The following UNC80 variants were observed in gnomAD, a reference collection of about 807,000 sequenced individuals.
The protein encoded by UNC80 is protein unc-80 homolog.
In UNC80, 164 loss-of-function variants were observed where a neutral mutation model predicts 384.6. That is an observed-to-expected ratio of 0.43 (90% CI 0.38 to 0.49). UNC80 has a LOEUF of 0.49. Ranked by LOEUF, UNC80 falls within the 20% of genes least tolerant of loss-of-function variation. The pLI, the probability that UNC80 is intolerant of heterozygous loss-of-function variation, is 0.00. For missense variants in UNC80, 3,330 were observed against 4,143.0 expected, an observed-to-expected ratio of 0.80 and a Z score of 5.39; for synonymous variants, 1,486 against 1,527.8, an observed-to-expected ratio of 0.97 and a Z score of 0.64.
intron 26 of UNC80, among the ~76,000 whole-genome samples, chr2:209,889,293 AGT>A (rs1316594808): frequency 6.6e-6 from 1 of 152,228 alleles, no homozygotes; most frequent in African/African-American, 2.4e-5. Context: ...GAAAGATAAA[AGT>A]GTTACAGCGT....
At chr2:209,864,322 G>A (rs2083555393) in intron 22 of UNC80, among the ~76,000 whole-genome samples, 2 of 152,142 alleles carry the variant, frequency 1.3e-5, no homozygotes, top group African/African-American at 4.8e-5. Flanking sequence ...GTTTCACCTA[G>A]TTGGGTGGCA....
intron 1 of UNC80, among the ~76,000 whole-genome samples, 187 bp downstream of exon 1, chr2:209,772,351 A>G (rs911113485): frequency 6.6e-6 from 1 of 151,530 alleles, no homozygotes; most frequent in Admixed American, 6.6e-5. Flanking sequence ...ATATATGTAT[A>G]TATTTCAGTG....
intron 22 of UNC80, among the ~76,000 whole-genome samples, chr2:209,861,009 C>T (rs2083308067): frequency 6.6e-6 from 1 of 152,228 alleles, no homozygotes; most frequent in South Asian, 2.1e-4. Flanking sequence ...GACAAGCTGA[C>T]TTCCTCTCTT....
In UNC80 at chr2:209,917,950, A is replaced by G; in HGVS notation, c.5203A>G (p.Ile1735Val). 3 of 1,551,608 alleles carry G rather than the reference A, an allele frequency of 1.9e-6. No individual in the cohort carries two copies. The highest frequency in any genetic ancestry group is 2.6e-6 in the Non-Finnish European group (3 of 1,146,932). Residue 1735 changes from isoleucine to valine, a missense_variant, in exon 32 of 65, where the codon ATT (isoleucine) becomes GTT (valine). Ile to Val is a conservative substitution (Grantham distance 29). Coordinates refer to ENST00000673920, the MANE Select transcript of UNC80 (RefSeq NM_001371986.1). ...CCGGATGGAGGAAGGGGCACAGCAG[A>G]TTTTTAAGGTGAGGGATACTTCTCA... ...WPRMEEGAQQ[I>V]FKIPPPSINF... is the part of the protein sequence containing the mutation.
intron 7 of UNC80, 28 bp downstream of exon 7, chr2:209,793,887 A>G: frequency 6.2e-7 from 1 of 1,611,044 alleles, no homozygotes; most frequent in Non-Finnish European, 8.5e-7. Context: ...TAGGGACAAA[A>G]TGTGTCACTG....
chr2:209,960,823 A>C (rs1239686008), intron 51 of UNC80: 1 of 152,264 alleles, frequency 6.6e-6, no homozygotes, highest in African/African-American at 2.4e-5. Context: ...CACACTGAGA[A>C]GTTCAGCTCC....
rs199667714 is a variant in UNC80 at position 209,813,662 on chromosome 2, C to T, written c.1021C>T (p.Pro341Ser). The change falls in exon 8 of 65, where the codon CCC (proline) becomes TCC (serine). Residue 341 changes from proline to serine, a missense_variant. This residue lies in a region of UNC80 where 937 missense variants were observed against 1,026.8 expected (regional missense o/e 0.91). Transcript: ENST00000673920. ...TGCTGTTCTGCGCTGCCTACTTCAG[C>T]CCCATTGGTCTGAGGAAGGCACTCA... ...DVAVLRCLLQ[P>S]HWSEEGTQWS... The T allele has an allele frequency of 1.3e-3, 2,088 of 1,551,776 alleles. 2 individuals are homozygous for T. The highest frequency in any genetic ancestry group is 1.7e-3 in the Non-Finnish European group (1,917 of 1,147,006).
chr2:209,907,050 A>T (rs1401866172), intron 29 of UNC80, among the ~76,000 whole-genome samples: 1 of 152,186 alleles, frequency 6.6e-6, no homozygotes, highest in African/African-American at 2.4e-5. Context: ...CATCTCCTCC[A>T]TGAAACTTTT....
intron 61 of UNC80, among the ~76,000 whole-genome samples, chr2:209,986,379 G>A (rs2093288075): frequency 6.6e-6 from 1 of 152,186 alleles, no homozygotes; most frequent in Non-Finnish European, 1.5e-5. Flanking sequence ...GAGAAGGCAG[G>A]AGTTTGAGAT....
At chr2:209,837,774 T>G (rs1415130353) in intron 18 of UNC80, among the ~76,000 whole-genome samples, 1 of 137,992 alleles carries the variant, frequency 7.2e-6, no homozygotes. Flanking sequence ...TACCTACATC[T>G]TTTTTTTTTT....
At chr2:209,922,167 A>G (rs2090087934) in intron 34 of UNC80, 85 bp from the exon 35 acceptor site, 1 of 1,436,890 alleles carries the variant, frequency 7.0e-7, no homozygotes, top group Non-Finnish European at 9.5e-7. Context: ...TGAGAGCAGT[A>G]TGCATTTGTG....
intron 13 of UNC80, 38 bp downstream of exon 13, chr2:209,820,717 C>T (rs1559145035): frequency 1.8e-5 from 27 of 1,475,254 alleles, no homozygotes; most frequent in Non-Finnish European, 2.4e-5. Context: ...CATGAAATGT[C>T]ATACCTAATT....
At chr2:209,920,830 C>CTTT (rs869121048) in intron 33 of UNC80, among the ~76,000 whole-genome samples, 2 of 142,758 alleles carry the variant, frequency 1.4e-5, no homozygotes, top group African/African-American at 2.6e-5. Flanking sequence ...AAATGTTCTT[C>CTTT]TTTTTTTTTT....
intron 53 of UNC80, 118 bp downstream of exon 53, chr2:209,970,009 G>C: frequency 7.7e-7 from 1 of 1,306,370 alleles, no homozygotes; most frequent in Non-Finnish European, 1.0e-6. Flanking sequence ...CATGAAAACA[G>C]ACGGCTCAGG....
chr2:209,937,066 A>G lies in UNC80; in HGVS notation c.6363+133A>G, dbSNP rs1042535770. The G allele has an allele frequency of 2.2e-5, 14 of 628,056 alleles. 1 individual carries two copies. The highest frequency in any genetic ancestry group is 3.7e-5 in the Non-Finnish European group (13 of 352,200). 38.9% of individuals were successfully genotyped at this position (628,056 alleles called of 1,614,324 possible). A position where few individuals can be genotyped will look rare whatever the true frequency, so the allele number is the denominator to read the frequency against. On this transcript the variant is annotated intron_variant, in intron 41 of 64. Coordinates refer to ENST00000673920, the MANE Select transcript of UNC80 (RefSeq NM_001371986.1). ...ATGGCCACCTGGGTCACACCATCTT[A>G]CTATCAATGGGGCTTTTGACTGGCG... is the stretch of plus-strand genomic sequence containing the variant.
At chr2:209,970,036 G>A in intron 53 of UNC80, 145 bp downstream of exon 53, 1 of 1,052,760 alleles carries the variant, frequency 9.5e-7, no homozygotes, top group East Asian at 2.6e-5. Context: ...TGAAAATAGT[G>A]AGGTACATTT....
At chr2:209,991,673 C>T (rs976634917) in intron 61 of UNC80, among the ~76,000 whole-genome samples, 1 of 152,216 alleles carries the variant, frequency 6.6e-6, no homozygotes, top group African/African-American at 2.4e-5. Flanking sequence ...CTTCAGGCTG[C>T]AAACATGTGT....
chr2:209,863,710 CT>C (rs1042654697), intron 22 of UNC80, among the ~76,000 whole-genome samples: 1 of 152,008 alleles, frequency 6.6e-6, no homozygotes, highest in Non-Finnish European at 1.5e-5. Flanking sequence ...CCTCTCTAAA[CT>C]GGTTATTCTA....
At position 209,932,044 on chromosome 2, in the gene UNC80, T is replaced by C. The variant is rs1051099031; in HGVS notation, c.5994+990T>C. Among the ~76,000 whole-genome samples, 6 of 152,260 alleles carry C rather than the reference T, an allele frequency of 3.9e-5. No individual in the cohort carries two copies. In the South Asian group the frequency reaches 1.0e-3, roughly 26 times the overall value. ...CCTTGCATTTTATCTGGGTCCTTCA[T>C]TTGTGAGACCATGTTCTTAAGTCTG... is the stretch of plus-strand genomic sequence containing the variant. On this transcript the variant is annotated intron_variant, in intron 38 of 64. Coordinates refer to ENST00000673920, the MANE Select transcript of UNC80 (RefSeq NM_001371986.1).
Sources: gnomAD v4.1 joint callset for allele counts (sites outside exome capture counted in the v4.1 genomes callset) on GRCh38, gnomAD v4.1.1 for gene constraint, gnomAD v4.1.1 regional missense constraint, MANE v1.5 for transcripts, NCBI Gene and HGNC (gene_info 2026-07-23, HGNC 2026-07-21) for gene names.